ADAM2: variants seen among roughly 807,000 people sequenced by gnomAD.
The protein encoded by ADAM2 is disintegrin and metalloproteinase domain-containing protein 2.
ADAM2 carries 101 observed loss-of-function variants against 99.3 expected under a neutral mutation model. The observed-to-expected ratio is 1.02, with a 90% confidence interval of 0.87 to 1.20. ADAM2 has a LOEUF of 1.20. Ranked by LOEUF, ADAM2 falls within the 50% of genes most tolerant of loss-of-function variation. The pLI, the probability that ADAM2 is intolerant of heterozygous loss-of-function variation, is 0.00. For synonymous variants in ADAM2, 323 were observed against 287.6 expected, an observed-to-expected ratio of 1.12 and a Z score of -1.25; for missense variants, 948 against 878.7, an observed-to-expected ratio of 1.08 and a Z score of -1.00.
chr8:39,781,929 A>G (rs184740430), intron 10 of ADAM2, among the ~76,000 whole-genome samples: 4 of 152,314 alleles, frequency 2.6e-5, no homozygotes, highest in Admixed American at 2.6e-4. Flanking sequence ...TGGCGACTTG[A>G]TCTCTATTAC....
chr8:39,836,096 GCATAAATA>G (rs1342347087), intron 2 of ADAM2, among the ~76,000 whole-genome samples: 52 of 152,090 alleles, frequency 3.4e-4, no homozygotes, highest in Admixed American at 3.4e-3. Flanking sequence ...GTGCACAAAA[GCATAAATA>G]CACATAGCAT....
At chr8:39,810,406 C>A (rs1483201475) in intron 6 of ADAM2, among the ~76,000 whole-genome samples, 1 of 152,136 alleles carries the variant, frequency 6.6e-6, no homozygotes, top group East Asian at 1.9e-4. Flanking sequence ...ATATCCAGGA[C>A]TTGAACTCAG....
chr8:39,826,512 G>A (rs1379106308), intron 3 of ADAM2, among the ~76,000 whole-genome samples: 12 of 151,830 alleles, frequency 7.9e-5, no homozygotes, highest in African/African-American at 2.7e-4. Context: ...TCACGAGGTC[G>A]GGAGATTGAG....
chr8:39,783,820 C>T lies in ADAM2; in HGVS notation c.891+3154G>A, dbSNP rs545149430. Among the ~76,000 whole-genome samples the T allele has an allele frequency of 1.2e-3, 188 of 151,966 alleles. 3 individuals are homozygous for T. Among genetic ancestry groups the T allele is most frequent in the African/African-American group, 3.7e-3 (154 of 41,458 alleles). On this transcript the variant is annotated intron_variant, in intron 10 of 20. Transcript: ENST00000265708. ...ACAAACAATTAGCCAGGCATGGTGC[C>T]GGGCACCTGTAGTCCCAGCTACTCA...
At chr8:39,829,179 A>G (rs1235061092) in intron 3 of ADAM2, among the ~76,000 whole-genome samples, 1 of 151,914 alleles carries the variant, frequency 6.6e-6, no homozygotes, top group Non-Finnish European at 1.5e-5. Flanking sequence ...ATTTTAGAGG[A>G]TTATATAAGA....
At chr8:39,811,964 A>G (rs896985204) in intron 6 of ADAM2, among the ~76,000 whole-genome samples, 2 of 152,238 alleles carry the variant, frequency 1.3e-5, no homozygotes, top group Admixed American at 6.5e-5. Flanking sequence ...AGCATATTCA[A>G]TTAGGAAGAG....
rs1803022417 is a variant in ADAM2 at position 39,777,138 on chromosome 8, T to C, written c.915A>G (p.Glu305=). The C allele has an allele frequency of 1.9e-6, 3 of 1,611,704 alleles. No individual in the cohort carries two copies. Among genetic ancestry groups the C allele is most frequent in the Non-Finnish European group, 2.5e-6 (3 of 1,178,608 alleles). The change falls in exon 11 of 21, where the codon GAA becomes GAG. Residue 305 remains glutamate (E), a synonymous_variant. Transcript: ENST00000265708. ...VVLHPRTISL[E]SLAVILAQLL... is the part of the protein sequence containing the mutation. ...ATTGAGCTAAAATAACTGCAAGTGA[T>C]TCCAGACTTATGGTTCTGGGGTGCT...
chr8:39,801,747 C>A (rs946083348), intron 7 of ADAM2, among the ~76,000 whole-genome samples: 1 of 151,990 alleles, frequency 6.6e-6, no homozygotes, highest in Non-Finnish European at 1.5e-5. Flanking sequence ...GAAGCCCCAC[C>A]CACTGAGGAG....
intron 7 of ADAM2, among the ~76,000 whole-genome samples, chr8:39,801,653 G>A (rs76049669): frequency 0.036 from 5,544 of 152,180 alleles, 244 homozygotes; most frequent in East Asian, 0.19. Flanking sequence ...GACTGGGGCC[G>A]CCCCTCCCCC....
intron 10 of ADAM2, among the ~76,000 whole-genome samples, chr8:39,786,161 G>T (rs1249585850): frequency 6.6e-6 from 1 of 152,142 alleles, no homozygotes; most frequent in Non-Finnish European, 1.5e-5. Context: ...TACCGGGGGT[G>T]GAGGAAGGGT....
chr8:39,767,578 A>C (rs927240857), intron 12 of ADAM2, among the ~76,000 whole-genome samples: 8 of 152,316 alleles, frequency 5.3e-5, no homozygotes, highest in Non-Finnish European at 1.0e-4. Context: ...ACAAGACGTA[A>C]AATAAACAGA....
chr8:39,779,677 C>G (rs1465430010), intron 10 of ADAM2, among the ~76,000 whole-genome samples: 1 of 152,022 alleles, frequency 6.6e-6, no homozygotes, highest in Non-Finnish European at 1.5e-5. Context: ...GGTGAATATA[C>G]CTGTTTAGAA....
In ADAM2 at chr8:39,788,175, G is replaced by C; in HGVS notation, c.719C>G (p.Thr240Ser). The change falls in exon 9 of 21, where the codon ACT (threonine) becomes AGT (serine). Residue 240 changes from threonine (T) to serine (S), a missense_variant. Coordinates refer to ENST00000265708, the MANE Select transcript of ADAM2 (RefSeq NM_001464.5). ...LWIDENKIAT[T>S]GEANELLHTF... ...GTGTAATAACTCATTAGCTTCTCCAGTGGTTGCAATTTTATTTTCATCTAT... is the reference window on the plus strand; with the variant it reads ...GTGTAATAACTCATTAGCTTCTCCACTGGTTGCAATTTTATTTTCATCTAT... The C allele has an allele frequency of 6.3e-7, 1 of 1,588,290 alleles. No individual in the cohort carries two copies. The highest frequency in any genetic ancestry group is 1.4e-5 in the African/African-American group (1 of 73,866).
intron 18 of ADAM2, among the ~76,000 whole-genome samples, chr8:39,747,771 C>T: frequency 6.6e-6 from 1 of 152,058 alleles, no homozygotes; most frequent in East Asian, 1.9e-4. Flanking sequence ...TCCACATTAC[C>T]AAAGGCAGCA....
intron 7 of ADAM2, among the ~76,000 whole-genome samples, chr8:39,789,206 C>T (rs1288924318): frequency 1.3e-5 from 2 of 150,866 alleles, no homozygotes; most frequent in Non-Finnish European, 3.0e-5. Flanking sequence ...ATGTATGCAA[C>T]CAAAAACAGA....
intron 7 of ADAM2, among the ~76,000 whole-genome samples, chr8:39,803,371 C>T (rs1250334388): frequency 6.6e-6 from 1 of 152,138 alleles, no homozygotes; most frequent in African/African-American, 2.4e-5. Flanking sequence ...AGCCAAATCC[C>T]TAAATGGTCC....
Position 39,777,054 on chromosome 8 carries a change from TC to T in ADAM2, c.998del (p.Gly333GlufsTer6). The T allele has an allele frequency of 6.3e-7, 1 of 1,593,774 alleles. No individual in the cohort carries two copies. The highest frequency in any genetic ancestry group is 8.6e-7 in the Non-Finnish European group (1 of 1,162,146). On this transcript the variant is annotated frameshift_variant, in exon 11 of 21. Transcript: ENST00000265708. LOFTEE classifies it high-confidence loss of function. ...CTTCTGGATTCATAATGCAGACAGC[TC>T]CTGAGCACTGGCATTTGTTAATGTC... ...YDDINKCQCS[G>X]AVCIMNPEAI...
In ADAM2 at chr8:39,788,259, A is replaced by T; in HGVS notation, c.643-8T>A. Reference sequence around the variant, plus strand: ...ATTAAATGAAACAAAAATCTAAAATAGAAAACATACAAAAGTGTGCTCAAA... The same window carrying T: ...ATTAAATGAAACAAAAATCTAAAATTGAAAACATACAAAAGTGTGCTCAAA... On this transcript the variant is annotated splice_polypyrimidine_tract_variant and splice_region_variant and intron_variant, in intron 8 of 20. Transcript: ENST00000265708. 6.7e-7 allele frequency: 1 copy of T among 1,486,730 alleles called. No homozygotes were observed. The highest frequency in any genetic ancestry group is 9.0e-7 in the Non-Finnish European group (1 of 1,107,288). The allele number at this position is 1,486,730 out of a possible 1,614,324, so 92.1% of individuals were successfully genotyped here.
At chr8:39,764,676 C>T (rs995062784) in intron 14 of ADAM2, among the ~76,000 whole-genome samples, 3 of 152,088 alleles carry the variant, frequency 2.0e-5, no homozygotes, top group African/African-American at 4.8e-5. Context: ...TATGCACATC[C>T]GGAAGTGAAC....
Sources: gnomAD v4.1 joint callset for allele counts (sites outside exome capture counted in the v4.1 genomes callset) on GRCh38, gnomAD v4.1.1 for gene constraint, MANE v1.5 for transcripts, NCBI Gene and HGNC (gene_info 2026-07-23, HGNC 2026-07-21) for gene names.